The following CALCRL variants were observed in gnomAD, a reference collection of about 807,000 sequenced individuals.
CALCRL encodes the protein calcitonin gene-related peptide type 1 receptor.
Under a neutral mutation model 60.4 loss-of-function variants are expected in CALCRL, and 27 were observed. The ratio of observed to expected loss-of-function variants is 0.45; its 90% CI spans 0.33 to 0.62. The LOEUF is 0.62. Ranked by LOEUF, CALCRL falls within the 20% of genes least tolerant of loss-of-function variation. The pLI, the probability that CALCRL is intolerant of heterozygous loss-of-function variation, is 0.03. For synonymous variants in CALCRL, 190 were observed against 182.6 expected (o/e 1.04, Z -0.33); for missense variants, 424 against 540.7 (o/e 0.78, Z 2.14).
Position 187,345,655 on chromosome 2 carries a change from G to C in CALCRL, c.*529C>G, listed in dbSNP as rs1686240814. 1 of 149,832 alleles carries C rather than the reference G, an allele frequency of 6.7e-6. No individual in the cohort carries two copies. The highest frequency in any genetic ancestry group is 1.5e-5 in the Non-Finnish European group (1 of 67,376). 9.3% of individuals were successfully genotyped at this position (149,832 alleles called of 1,614,324 possible). On this transcript the variant is annotated 3_prime_UTR_variant, in exon 15 of 15. Coordinates refer to ENST00000392370, the MANE Select transcript of CALCRL (RefSeq NM_005795.6). ...CACTTCTGGTATTGTCCATTTGAGA[G>C]GGTAGTTACAAAAAGGACTACGGCA...
chr2:187,396,560 G>A (rs1399964925), intron 1 of CALCRL, among the ~76,000 whole-genome samples: 1 of 151,498 alleles, frequency 6.6e-6, no homozygotes, highest in African/African-American at 2.4e-5. Flanking sequence ...GAAATTATAA[G>A]ACACATTAAA....
chr2:187,354,825 G>A (rs771823820), intron 12 of CALCRL, among the ~76,000 whole-genome samples: 39 of 151,916 alleles, frequency 2.6e-4, no homozygotes, highest in Non-Finnish European at 2.6e-4. Context: ...TGTAGATGAC[G>A]TTACATTTTG....
chr2:187,415,067 G>A (rs1689544487), intron 1 of CALCRL, among the ~76,000 whole-genome samples: 1 of 152,040 alleles, frequency 6.6e-6, no homozygotes, highest in Admixed American at 6.6e-5. Context: ...ACAAGTCAAA[G>A]CCAGATAGGC....
intron 9 of CALCRL, among the ~76,000 whole-genome samples, chr2:187,361,623 TG>T (rs1444536662): frequency 6.6e-6 from 1 of 152,014 alleles, no homozygotes; most frequent in Admixed American, 6.6e-5. Context: ...ATAGTAATAA[TG>T]GCATCTGCAT....
At chr2:187,385,854 G>C (rs1163147102) in intron 3 of CALCRL, among the ~76,000 whole-genome samples, 1 of 151,930 alleles carries the variant, frequency 6.6e-6, no homozygotes, top group Non-Finnish European at 1.5e-5. Context: ...GAGTTCAAGC[G>C]ATCCTCCCTC....
chr2:187,393,718 A>G (rs1688544540), intron 1 of CALCRL, among the ~76,000 whole-genome samples: 1 of 152,112 alleles, frequency 6.6e-6, no homozygotes, highest in African/African-American at 2.4e-5. Flanking sequence ...GTTTTTAGTT[A>G]TTCCTAACCC....
At chr2:187,414,537 C>T (rs1210122177) in intron 1 of CALCRL, among the ~76,000 whole-genome samples, 1 of 152,120 alleles carries the variant, frequency 6.6e-6, no homozygotes, top group African/African-American at 2.4e-5. Context: ...AGATTGAAAA[C>T]ATAACCTTTC....
chr2:187,415,793 T>G (rs1299204071), intron 1 of CALCRL: 1 of 458,498 alleles, frequency 2.2e-6, no homozygotes, highest in African/African-American at 2.0e-5. Flanking sequence ...GACAATGAAT[T>G]TGGCTACACC....
At chr2:187,405,588 C>A (rs1013548345) in intron 1 of CALCRL, among the ~76,000 whole-genome samples, 2 of 151,972 alleles carry the variant, frequency 1.3e-5, no homozygotes, top group African/African-American at 4.8e-5. Flanking sequence ...AACACAGACT[C>A]TAAAATGACT....
intron 1 of CALCRL, among the ~76,000 whole-genome samples, chr2:187,394,337 T>A (rs1266621589): frequency 6.6e-6 from 1 of 152,192 alleles, no homozygotes; most frequent in Admixed American, 6.6e-5. Flanking sequence ...CCATTACTTT[T>A]ATTTTGACCA....
chr2:187,423,321 TG>T (rs1443972333), intron 1 of CALCRL, among the ~76,000 whole-genome samples: 1 of 151,960 alleles, frequency 6.6e-6, no homozygotes, highest in Non-Finnish European at 1.5e-5. Context: ...GGAATGCCTT[TG>T]AAGTTAAACC....
intron 3 of CALCRL, among the ~76,000 whole-genome samples, chr2:187,387,080 A>G (rs574628369): frequency 6.6e-6 from 1 of 152,200 alleles, no homozygotes. Flanking sequence ...ACACGCAAAC[A>G]ATATTTTTAA....
At chr2:187,439,731 A>G (rs1690808044) in intron 1 of CALCRL, among the ~76,000 whole-genome samples, 1 of 152,136 alleles carries the variant, frequency 6.6e-6, no homozygotes, top group African/African-American at 2.4e-5. Flanking sequence ...GATATCTGGA[A>G]TAAGAACATT....
intron 1 of CALCRL, among the ~76,000 whole-genome samples, chr2:187,398,218 A>G (rs1270321870): frequency 6.6e-6 from 1 of 151,666 alleles, no homozygotes; most frequent in African/African-American, 2.4e-5. Flanking sequence ...CTGAAACAAA[A>G]CACATCTTTC....
chr2:187,381,788 G>C (rs1008616659), intron 5 of CALCRL, among the ~76,000 whole-genome samples: 1 of 152,100 alleles, frequency 6.6e-6, no homozygotes, highest in Admixed American at 6.6e-5. Flanking sequence ...GATAGAGATA[G>C]AACCTTGATT....
chr2:187,374,726 C>T (rs1233275432), intron 8 of CALCRL, among the ~76,000 whole-genome samples: 1 of 151,922 alleles, frequency 6.6e-6, no homozygotes, highest in East Asian at 1.9e-4. Flanking sequence ...TTCTGAGTGC[C>T]TATATGATTG....
intron 1 of CALCRL, among the ~76,000 whole-genome samples, chr2:187,439,331 A>G (rs901648003): frequency 5.3e-5 from 8 of 152,054 alleles, no homozygotes; most frequent in Admixed American, 3.9e-4. Context: ...AAAAATACAA[A>G]AATTAGCTGG....
At position 187,344,028 on chromosome 2, in the gene CALCRL, A is replaced by G. The variant is rs144133982; in HGVS notation, c.*2156T>C. 1 of 151,600 alleles carries G rather than the reference A, an allele frequency of 6.6e-6. No individual in the cohort carries two copies. The highest frequency in any genetic ancestry group is 1.5e-5 in the Non-Finnish European group (1 of 67,634). 9.4% of individuals were successfully genotyped at this position (151,600 alleles called of 1,614,324 possible). A position where few individuals can be genotyped will look rare whatever the true frequency, so the allele number is the denominator to read the frequency against. On this transcript the variant is annotated 3_prime_UTR_variant, in exon 15 of 15. Transcript: ENST00000392370. ...TTCAACATTTTTTACTGTCACTTCTACTGTCAAGATGGTTGAGAGTTGACA... is the reference window on the plus strand; with the variant it reads ...TTCAACATTTTTTACTGTCACTTCTGCTGTCAAGATGGTTGAGAGTTGACA...
At chr2:187,432,488 G>T (rs977010663) in intron 1 of CALCRL, among the ~76,000 whole-genome samples, 6 of 152,184 alleles carry the variant, frequency 3.9e-5, no homozygotes, top group African/African-American at 1.4e-4. Context: ...CAACAGAGAT[G>T]TTGACCCTCA....
Sources: allele counts gnomAD v4.1 joint callset (sites outside exome capture counted in the v4.1 genomes callset), GRCh38; gene constraint gnomAD v4.1.1; transcripts MANE v1.5; gene names NCBI Gene and HGNC (gene_info 2026-07-23, HGNC 2026-07-21).